Variants in DUSP29 observed in about 807,000 individuals in gnomAD.
DUSP29 encodes dual specificity phosphatase 29, also known as atypical dual-specific protein phosphatase.
Under a neutral mutation model 13.5 loss-of-function variants are expected in DUSP29, and 12 were observed. The ratio of observed to expected loss-of-function variants is 0.89; its 90% CI spans 0.57 to 1.44. The LOEUF (loss-of-function observed/expected upper bound fraction) is 1.44. Among genes scored for constraint, DUSP29 ranks in the 40% most tolerant of loss-of-function variants. DUSP29 has a pLI of 0.00. For missense variants in DUSP29, 308 were observed against 301.1 expected, an observed-to-expected ratio of 1.02 and a Z score of -0.17; for synonymous variants, 134 against 128.7, an observed-to-expected ratio of 1.04 and a Z score of -0.28.
At chr10:75,066,789 C>T (rs565905187) in intron 1 of DUSP29, among the ~76,000 whole-genome samples, 13 of 152,158 alleles carry the variant, frequency 8.5e-5, no homozygotes, top group Non-Finnish European at 1.6e-4. Flanking sequence ...AAGTGGGAGC[C>T]CCCCGAAGGC....
chr10:75,038,697 G>A (rs1453469729), intron 3 of DUSP29, among the ~76,000 whole-genome samples: 5 of 140,706 alleles, frequency 3.6e-5, no homozygotes, highest in Non-Finnish European at 7.7e-5. Flanking sequence ...GGGAGAAAGA[G>A]TTGGAAGGGA....
chr10:75,066,871 C>A (rs1166327409), intron 1 of DUSP29, among the ~76,000 whole-genome samples: 1 of 152,138 alleles, frequency 6.6e-6, no homozygotes. Context: ...TCATCCTAGC[C>A]GCCTGTGCCT....
At chr10:75,052,723 A>G (rs1164480034) in intron 2 of DUSP29, among the ~76,000 whole-genome samples, 1 of 152,240 alleles carries the variant, frequency 6.6e-6, no homozygotes, top group Non-Finnish European at 1.5e-5. Context: ...AAGTGTTGAG[A>G]TTACAGGCGT....
chr10:75,040,626 G>C (rs1376505318), intron 3 of DUSP29, among the ~76,000 whole-genome samples: 2 of 152,178 alleles, frequency 1.3e-5, no homozygotes, highest in African/African-American at 4.8e-5. Flanking sequence ...AAGTCACCAG[G>C]TGCTCAAAAT....
At chr10:75,065,287 A>G (rs1847172396) in intron 1 of DUSP29, among the ~76,000 whole-genome samples, 1 of 152,246 alleles carries the variant, frequency 6.6e-6, no homozygotes, top group Non-Finnish European at 1.5e-5. Flanking sequence ...ATCTCTAAGT[A>G]GAACCCTTGA....
intron 2 of DUSP29, 109 bp from the exon 3 acceptor site, chr10:75,044,126 A>T: frequency 2.8e-6 from 3 of 1,054,988 alleles, no homozygotes; most frequent in Non-Finnish European, 4.1e-6. Context: ...CAGAATGAGG[A>T]CTAGTTATTG....
rs1371964196 is a variant in DUSP29 at position 75,038,733 on chromosome 10, G to C, written c.422-656C>G. 2.7e-5 allele frequency among the ~76,000 whole-genome samples: 4 copies of C among 149,564 alleles called. No homozygotes were observed. In the South Asian group the frequency reaches 8.7e-4, roughly 32 times the overall value. On this transcript the variant is annotated intron_variant, in intron 3 of 3. Coordinates refer to ENST00000338487, the MANE Select transcript of DUSP29 (RefSeq NM_001003892.3). ...GATGGAGGGGGTGGGAGGAGAGGGG[G>C]AGGTGGAGGGAGCAGGAGAGAAAGG...
intron 1 of DUSP29, among the ~76,000 whole-genome samples, chr10:75,066,983 A>T (rs1847218337): frequency 7.2e-6 from 1 of 139,860 alleles, no homozygotes. Context: ...TTTGAGACAG[A>T]GTCTTACTCT....
At chr10:75,062,897 A>G (rs995974114) in intron 1 of DUSP29, among the ~76,000 whole-genome samples, 1 of 152,204 alleles carries the variant, frequency 6.6e-6, no homozygotes, top group Admixed American at 6.5e-5. Context: ...GGTTCCTGTT[A>G]CAGCTTCATA....
intron 1 of DUSP29, among the ~76,000 whole-genome samples, chr10:75,064,597 G>A (rs774669331): frequency 3.9e-5 from 6 of 152,106 alleles, no homozygotes; most frequent in Admixed American, 1.3e-4. Flanking sequence ...GGGCTCAAGC[G>A]TTCCTCCTGC....
intron 1 of DUSP29, among the ~76,000 whole-genome samples, chr10:75,063,268 A>G (rs1212234265): frequency 6.6e-6 from 1 of 152,188 alleles, no homozygotes; most frequent in Non-Finnish European, 1.5e-5. Context: ...TTTAAATGTA[A>G]GCCCCTGTAA....
intron 3 of DUSP29, among the ~76,000 whole-genome samples, chr10:75,043,165 C>T (rs561908577): frequency 2.0e-5 from 3 of 152,378 alleles, no homozygotes; most frequent in Non-Finnish European, 4.4e-5. Context: ...GCCAGTAAAG[C>T]CCAGCTTGTC....
In DUSP29 at chr10:75,058,385, G is replaced by A; in HGVS notation, c.130C>T (p.Leu44Phe). The A allele has an allele frequency of 3.7e-6, 6 of 1,614,226 alleles. No individual in the cohort carries two copies. Among genetic ancestry groups the A allele is most frequent in the Non-Finnish European group, 5.1e-6 (6 of 1,180,038 alleles). Residue 44 changes from leucine (L) to phenylalanine (F), a missense_variant, in exon 2 of 4, where the codon CTC (leucine) becomes TTC (phenylalanine). Leu to Phe is a conservative substitution (Grantham distance 22). Transcript: ENST00000338487. ...TACTGGGGACTGCCCTTCCAGAAGA[G>A]CCGCTCCAGCTCAAAGGCTCCAGGG... The part of the protein sequence containing the change: ...CTPGAFELER[L>F]FWKGSPQYTH...
At chr10:75,061,958 T>G (rs929202926) in intron 1 of DUSP29, among the ~76,000 whole-genome samples, 3 of 152,158 alleles carry the variant, frequency 2.0e-5, no homozygotes, top group Admixed American at 1.3e-4. Context: ...CCAGGCTGAT[T>G]TGGAGGAGGG....
chr10:75,062,304 C>A (rs189867531), intron 1 of DUSP29, among the ~76,000 whole-genome samples: 2 of 152,226 alleles, frequency 1.3e-5, no homozygotes, highest in Admixed American at 1.3e-4. Flanking sequence ...ACCCTGCCTG[C>A]GGTTAATGGA....
chr10:75,039,092 T>C (rs965011498), intron 3 of DUSP29, among the ~76,000 whole-genome samples: 1 of 152,166 alleles, frequency 6.6e-6, no homozygotes, highest in Non-Finnish European at 1.5e-5. Flanking sequence ...GGCTTTTATT[T>C]CCCAACTTCT....
In DUSP29 at chr10:75,038,060, A is replaced by G. The variant is rs751665889; in HGVS notation, c.439T>C (p.Cys147Arg). The change falls in exon 4 of 4, where the codon TGC becomes CGC. Residue 147 changes from cysteine (C) to arginine (R), a missense_variant. Transcript: ENST00000338487. ...SDDHSKILVH[C>R]VMGRSRSATL... Reference sequence around the variant, plus strand: ...GCTGACCGGCTGCGGCCCATGACGCAGTGAACCAGGATCTTACCTGCAGAT... The same window carrying G: ...GCTGACCGGCTGCGGCCCATGACGCGGTGAACCAGGATCTTACCTGCAGAT... 8.7e-6 allele frequency: 14 copies of G among 1,613,384 alleles called. No individual in the cohort carries two copies. The highest frequency in any genetic ancestry group is 2.2e-5 in the East Asian group (1 of 44,886).
intron 2 of DUSP29, among the ~76,000 whole-genome samples, chr10:75,047,357 A>T (rs1296363912): frequency 6.6e-6 from 1 of 152,018 alleles, no homozygotes; most frequent in Non-Finnish European, 1.5e-5. Flanking sequence ...CATCACAGAC[A>T]CCCATCGTCC....
At chr10:75,048,392 T>C (rs1202422016) in intron 2 of DUSP29, among the ~76,000 whole-genome samples, 3 of 149,718 alleles carry the variant, frequency 2.0e-5, no homozygotes, top group Non-Finnish European at 3.0e-5. Flanking sequence ...AGTTTACTTT[T>C]TTTTTCTTTT....
Sources: gnomAD v4.1 joint callset for allele counts (sites outside exome capture counted in the v4.1 genomes callset) on GRCh38, gnomAD v4.1.1 for gene constraint, MANE v1.5 for transcripts, NCBI Gene and HGNC (gene_info 2026-07-23, HGNC 2026-07-21) for gene names.